Variants in UBL3 observed in about 807,000 individuals in gnomAD.
UBL3 encodes the protein ubiquitin-like protein 3.
Under a neutral mutation model 18.4 loss-of-function variants are expected in UBL3, and 6 were observed. The ratio of observed to expected loss-of-function variants is 0.33; its 90% CI spans 0.18 to 0.64. The LOEUF (loss-of-function observed/expected upper bound fraction) is 0.64. Among genes scored for constraint, UBL3 ranks in the 30% least tolerant of loss-of-function variants. The pLI is 0.76. For synonymous variants in UBL3, 49 were observed against 46.6 expected (o/e 1.05, Z -0.21); for missense variants, 109 against 142.9 (o/e 0.76, Z 1.21).
At chr13:29,837,524 T>C (rs771086716) in intron 1 of UBL3, among the ~76,000 whole-genome samples, 95 of 152,240 alleles carry the variant, frequency 6.2e-4, no homozygotes, top group African/African-American at 2.2e-3. Context: ...ATACACGTAA[T>C]TGTAGTCCCA....
intron 1 of UBL3, among the ~76,000 whole-genome samples, chr13:29,786,315 T>C (rs1433517758): frequency 6.6e-6 from 1 of 152,226 alleles, no homozygotes; most frequent in Non-Finnish European, 1.5e-5. Context: ...AAACTGTTAA[T>C]TTCTTACTTG....
chr13:29,786,870 C>A (rs1393366728), intron 1 of UBL3, among the ~76,000 whole-genome samples: 1 of 114,216 alleles, frequency 8.8e-6, no homozygotes, highest in East Asian at 2.7e-4. Flanking sequence ...CATTTACCTA[C>A]CCTATGAGGT....
intron 1 of UBL3, among the ~76,000 whole-genome samples, chr13:29,786,180 T>G (rs1398591090): frequency 6.6e-6 from 1 of 152,168 alleles, no homozygotes; most frequent in Non-Finnish European, 1.5e-5. Flanking sequence ...ACCATATCAC[T>G]CTACTAAAGA....
chr13:29,800,350 G>C (rs7320474), intron 1 of UBL3, among the ~76,000 whole-genome samples: 42,914 of 152,048 alleles, frequency 0.28, 6,140 homozygotes, highest in East Asian at 0.42. Flanking sequence ...AGTAAGTTCT[G>C]ATGGCCAATG....
At chr13:29,821,736 G>T (rs1483650510) in intron 1 of UBL3, among the ~76,000 whole-genome samples, 1 of 152,130 alleles carries the variant, frequency 6.6e-6, no homozygotes, top group African/African-American at 2.4e-5. Flanking sequence ...GAGACCATAT[G>T]AAAATTTTTT....
chr13:29,789,333 T>C (rs1877425018), intron 1 of UBL3, among the ~76,000 whole-genome samples: 1 of 152,232 alleles, frequency 6.6e-6, no homozygotes, highest in South Asian at 2.1e-4. Context: ...ATGGTTAAGA[T>C]GGTACACTTT....
chr13:29,771,596 A>G (rs1236693038), intron 3 of UBL3, among the ~76,000 whole-genome samples: 1 of 152,070 alleles, frequency 6.6e-6, no homozygotes, highest in East Asian at 1.9e-4. Flanking sequence ...ACAGCCAGTA[A>G]GTAGTGCAGC....
chr13:29,831,399 G>A (rs1183781355), intron 1 of UBL3, among the ~76,000 whole-genome samples: 1 of 152,052 alleles, frequency 6.6e-6, no homozygotes, highest in Admixed American at 6.5e-5. Flanking sequence ...AGACCAGCCT[G>A]ACCAACATGG....
In UBL3 at chr13:29,764,579, A is replaced by G. The variant is rs1260488759; in HGVS notation, c.*2676T>C. ...GTAATGTTAGATACTGTATTTTTCC[A>G]TGGTAAAATACAACTTATCTTGAAG... On this transcript the variant is annotated 3_prime_UTR_variant, in exon 5 of 5. Transcript: ENST00000380680. The G allele has an allele frequency of 6.6e-6, 1 of 152,216 alleles. No individual in the cohort carries two copies. Among genetic ancestry groups the G allele is most frequent in the African/African-American group, 2.4e-5 (1 of 41,454 alleles). The allele number at this position is 152,216 out of a possible 1,614,324, so 9.4% of individuals were successfully genotyped here.
intron 1 of UBL3, 91 bp from the exon 2 acceptor site, chr13:29,777,354 T>C: frequency 1.0e-6 from 1 of 975,880 alleles, no homozygotes. Context: ...AATCACATCC[T>C]AAATTATTAC....
Position 29,849,539 on chromosome 13 carries a change from C to T in UBL3, c.-1G>A. ...TATCCGCCGGGACATTACTGGACAT[C>T]TTGCCGTTTGATATACACCCAGATG... On this transcript the variant is annotated 5_prime_UTR_variant, in exon 1 of 5. Transcript: ENST00000380680. 6.2e-7 allele frequency: 1 copy of T among 1,614,024 alleles called. No homozygotes were observed. The highest frequency in any genetic ancestry group is 8.5e-7 in the Non-Finnish European group (1 of 1,180,046).
intron 1 of UBL3, among the ~76,000 whole-genome samples, chr13:29,784,348 T>C (rs1877252732): frequency 6.6e-6 from 1 of 152,102 alleles, no homozygotes; most frequent in African/African-American, 2.4e-5. Flanking sequence ...GACAAATACG[T>C]TGATCAGAAA....
intron 2 of UBL3, among the ~76,000 whole-genome samples, chr13:29,775,375 C>T (rs766015876): frequency 1.3e-5 from 2 of 152,060 alleles, no homozygotes; most frequent in Non-Finnish European, 2.9e-5. Flanking sequence ...AATTATCTTC[C>T]TCTAGAAAAG....
rs575166377 is a variant in UBL3 at position 29,840,579 on chromosome 13, A to G, written c.27+8933T>C. The stretch of plus-strand genomic sequence containing the variant: ...ACAAAAAAAAACTCAATGAAGTATT[A>G]TCTAGCATATACCATTTGAGTAATG... On this transcript the variant is annotated intron_variant, in intron 1 of 4. Transcript: ENST00000380680. 9.8e-5 allele frequency among the ~76,000 whole-genome samples: 15 copies of G among 152,288 alleles called. No individual in the cohort carries two copies. The East Asian group carries it at 2.9e-3, about 29-fold the overall frequency.
At chr13:29,810,880 T>C (rs539602803) in intron 1 of UBL3, among the ~76,000 whole-genome samples, 43 of 152,222 alleles carry the variant, frequency 2.8e-4, no homozygotes, top group African/African-American at 9.9e-4. Flanking sequence ...TGGGAATGTG[T>C]TCTTTTGCTC....
intron 1 of UBL3, among the ~76,000 whole-genome samples, chr13:29,843,681 T>A (rs1384231497): frequency 6.6e-6 from 1 of 152,228 alleles, no homozygotes; most frequent in African/African-American, 2.4e-5. Flanking sequence ...CAAATTAAAA[T>A]GTTTGGCTTT....
In UBL3 at chr13:29,765,773, A is replaced by C. The variant is rs1267745880; in HGVS notation, c.*1482T>G. The C allele has an allele frequency of 6.6e-6, 1 of 152,576 alleles. No individual in the cohort carries two copies. Among genetic ancestry groups the C allele is most frequent in the African/African-American group, 2.4e-5 (1 of 41,448 alleles). The allele number at this position is 152,576 out of a possible 1,614,324, so 9.5% of individuals were successfully genotyped here. On this transcript the variant is annotated 3_prime_UTR_variant, in exon 5 of 5. Coordinates refer to ENST00000380680, the MANE Select transcript of UBL3 (RefSeq NM_007106.4). ...TATTTTCGTAGATCTACTGCATATA[A>C]AGCCTTTTCATCAAAGCATTAACAA...
intron 3 of UBL3, 90 bp from the exon 4 acceptor site, chr13:29,767,785 C>T (rs576016788): frequency 2.6e-6 from 3 of 1,140,166 alleles, no homozygotes; most frequent in Admixed American, 2.5e-5. Context: ...AAATTGATTG[C>T]TTTTTTATGA....
chr13:29,827,284 G>A (rs1333497426), intron 1 of UBL3, among the ~76,000 whole-genome samples: 2 of 152,314 alleles, frequency 1.3e-5, no homozygotes, highest in African/African-American at 2.4e-5. Context: ...ACAGTGGGGT[G>A]TTAAAGTCTC....
Sources: allele counts gnomAD v4.1 joint callset (sites outside exome capture counted in the v4.1 genomes callset), GRCh38; gene constraint gnomAD v4.1.1; transcripts MANE v1.5; gene names NCBI Gene and HGNC (gene_info 2026-07-23, HGNC 2026-07-21).